Variants in SAXO1 observed in about 807,000 individuals in gnomAD.
SAXO1 encodes 4930500O09Rik.
In SAXO1, 21 loss-of-function variants were observed where a neutral mutation model predicts 17.5. The observed-to-expected ratio is 1.20, with a 90% CI of 0.85 to 1.72. The LOEUF (loss-of-function observed/expected upper bound fraction) is 1.72, where lower values mean the gene tolerates loss of function less well. SAXO1 is among the 40% of genes most tolerant of loss of function. The pLI, the probability that SAXO1 is intolerant of heterozygous loss-of-function variation, is 0.00. For synonymous variants in SAXO1, 274 were observed against 216.5 expected (o/e 1.27, Z -2.33); for missense variants, 843 against 596.0 (o/e 1.41, Z -4.32).
chr9:19,036,268 AAG>A (rs1335117208), upstream of SAXO1, among the ~76,000 whole-genome samples: 1 of 144,880 alleles, frequency 6.9e-6, no homozygotes, highest in African/African-American at 2.6e-5. Flanking sequence ...AAAAAAAAAA[AAG>A]AAAGAAAGAA....
intron 1 of SAXO1, among the ~76,000 whole-genome samples, chr9:18,982,020 C>A (rs570258817): frequency 1.3e-5 from 2 of 152,178 alleles, no homozygotes; most frequent in Admixed American, 1.3e-4. Flanking sequence ...TCCCAGACCA[C>A]GCCAGAGCGA....
intron 1 of SAXO1, among the ~76,000 whole-genome samples, chr9:19,024,359 G>A (rs1284978457): frequency 2.6e-5 from 4 of 151,266 alleles, no homozygotes; most frequent in Non-Finnish European, 2.9e-5. Flanking sequence ...ACCAAACACC[G>A]CATGTTCTCA....
intron 3 of SAXO1, among the ~76,000 whole-genome samples, chr9:18,932,823 T>A (rs932078961): frequency 1.8e-4 from 27 of 152,228 alleles, no homozygotes; most frequent in African/African-American, 6.5e-4. Context: ...CTTGACTCCA[T>A]TTTGATTGTC....
chr9:19,021,244 G>A (rs1158324936), intron 1 of SAXO1, among the ~76,000 whole-genome samples: 1 of 152,214 alleles, frequency 6.6e-6, no homozygotes, highest in Non-Finnish European at 1.5e-5. Context: ...GAAATGAGAA[G>A]TGGTATGAAG....
chr9:18,954,117 G>C (rs916095779), intron 1 of SAXO1, among the ~76,000 whole-genome samples: 2 of 152,162 alleles, frequency 1.3e-5, no homozygotes, highest in East Asian at 1.9e-4. Flanking sequence ...GGAAAAGGGA[G>C]AGAGGAGGTT....
chr9:19,002,054 TA>T (rs1318524357), intron 1 of SAXO1, among the ~76,000 whole-genome samples: 2 of 151,936 alleles, frequency 1.3e-5, no homozygotes, highest in Non-Finnish European at 2.9e-5. Flanking sequence ...TAAAAAATGA[TA>T]AAGGGGATAT....
intron 1 of SAXO1, among the ~76,000 whole-genome samples, chr9:19,046,286 T>A (rs1836214101): frequency 6.6e-6 from 1 of 152,062 alleles, no homozygotes; most frequent in South Asian, 2.1e-4. Context: ...ATTAAAAATA[T>A]GATATTAAAA....
In SAXO1 at chr9:18,928,952, G is replaced by A. The variant is rs143870271; in HGVS notation, c.525C>T (p.Asp175=). Residue 175 remains aspartate (D), a synonymous_variant, in exon 4 of 4, where the codon GAC becomes GAT. Transcript: ENST00000380534. ...TCACAAGGCCTTTTATGGGGTAATCGTCCTGGTGTGTGGTTCTGTTATCAA... is the reference window on the plus strand; with the variant it reads ...TCACAAGGCCTTTTATGGGGTAATCATCCTGGTGTGTGGTTCTGTTATCAA... ...VRFDNRTTHQ[D]DYPIKGLVKT... is the part of the protein sequence containing the mutation. 4.1e-4 allele frequency: 656 copies of A among 1,614,158 alleles called. 6 individuals are homozygous for A. In the East Asian group the frequency reaches 9.2e-3, roughly 23 times the overall value.
At chr9:19,015,326 T>A (rs151279876) in intron 1 of SAXO1, among the ~76,000 whole-genome samples, 235 of 152,104 alleles carry the variant, frequency 1.5e-3, no homozygotes, top group African/African-American at 5.3e-3. Flanking sequence ...CCACCATGTC[T>A]GGCTAATTAT....
chr9:18,958,936 G>A (rs1832367674), intron 1 of SAXO1, among the ~76,000 whole-genome samples: 1 of 152,136 alleles, frequency 6.6e-6, no homozygotes. Flanking sequence ...AGTTTCTGGG[G>A]GAAAAACTGA....
At chr9:18,981,965 A>G (rs996374892) in intron 1 of SAXO1, among the ~76,000 whole-genome samples, 2 of 152,196 alleles carry the variant, frequency 1.3e-5, no homozygotes, top group Non-Finnish European at 2.9e-5. Flanking sequence ...ACACAAGAGA[A>G]TGAAGAAAAC....
chr9:19,042,114 A>AT lies in SAXO1; in HGVS notation c.-158+7094dup, dbSNP rs397750028. The stretch of plus-strand genomic sequence containing the variant: ...TATGGGAAAAAAATCTAATAATCTA[A>AT]TTTTTTAATGGGCAAAAGATCTGAA... On this transcript the variant is annotated intron_variant, in intron 1 of 3. Coordinates refer to the SAXO1 transcript ENST00000542071. 6.3e-3 allele frequency among the ~76,000 whole-genome samples: 959 copies of AT among 151,400 alleles called. 7 individuals carry two copies. The highest frequency in any genetic ancestry group is 0.011 in the Non-Finnish European group (720 of 67,816).
chr9:18,973,990 TC>T (rs1449302685), intron 1 of SAXO1, among the ~76,000 whole-genome samples: 1 of 152,206 alleles, frequency 6.6e-6, no homozygotes, highest in Admixed American at 6.5e-5. Context: ...ATCTATCATG[TC>T]CCATCTTCCC....
At chr9:18,953,627 A>G (rs4977477) in intron 1 of SAXO1, among the ~76,000 whole-genome samples, 89,088 of 151,994 alleles carry the variant, frequency 0.59, 28,119 homozygotes, top group Non-Finnish European at 0.71. Flanking sequence ...TACCTGCACC[A>G]TGAATGCCCT....
At chr9:18,954,606 A>T (rs925924338) in intron 1 of SAXO1, among the ~76,000 whole-genome samples, 16 of 152,168 alleles carry the variant, frequency 1.1e-4, no homozygotes, top group African/African-American at 3.9e-4. Context: ...CAAAGTGCTG[A>T]GATCACAGGC....
intron 1 of SAXO1, among the ~76,000 whole-genome samples, chr9:19,011,265 T>C (rs1400033072): frequency 6.6e-6 from 1 of 152,210 alleles, no homozygotes; most frequent in Non-Finnish European, 1.5e-5. Flanking sequence ...CCAAATCCTA[T>C]CAAACTACCT....
intron 1 of SAXO1, among the ~76,000 whole-genome samples, chr9:19,010,208 T>A (rs138987913): frequency 3.7e-4 from 56 of 152,274 alleles, no homozygotes; most frequent in African/African-American, 1.2e-3. Context: ...AGGTTTATTT[T>A]CACTTATCTG....
intron 1 of SAXO1, among the ~76,000 whole-genome samples, chr9:19,018,820 C>A (rs112053826): frequency 0.012 from 1,766 of 152,228 alleles, 25 homozygotes; most frequent in African/African-American, 0.041. Context: ...GCCTTAAGAA[C>A]CTTCTTATGC....
At chr9:19,001,665 A>G (rs1461844121) in intron 1 of SAXO1, among the ~76,000 whole-genome samples, 1 of 148,032 alleles carries the variant, frequency 6.8e-6, no homozygotes, top group Non-Finnish European at 1.5e-5. Flanking sequence ...GACTCCGTCA[A>G]AAAAAAAAAA....
Sources: allele counts gnomAD v4.1 joint callset (sites outside exome capture counted in the v4.1 genomes callset), GRCh38; gene constraint gnomAD v4.1.1; transcripts MANE v1.5; gene names NCBI Gene and HGNC (gene_info 2026-07-23, HGNC 2026-07-21).